The following ENDOD1 variants were observed in gnomAD, a reference collection of about 807,000 sequenced individuals.
The protein encoded by ENDOD1 is endonuclease domain-containing 1 protein.
In ENDOD1, 9 loss-of-function variants were observed where a neutral mutation model predicts 6.5. The observed-to-expected ratio is 1.39, with a 90% CI of 0.84 to 2.43. The LOEUF is 2.43. ENDOD1 is among the 30% of genes most tolerant of loss of function. ENDOD1 has a pLI of 0.00. For synonymous variants in ENDOD1, 255 were observed against 255.2 expected (o/e 1.00, Z 0.01); for missense variants, 648 against 635.5 (o/e 1.02, Z -0.21).
Position 95,116,131 on chromosome 11 carries a change from A to C in ENDOD1, c.301-12246A>C, listed in dbSNP as rs1478010738. ...GTCATTAAGTCCCAGGATTTTCTTC[A>C]CCGGGAGACTTTTTTATTATAGCTT... On this transcript the variant is annotated intron_variant, in intron 1 of 1. Transcript: ENST00000278505. Among the ~76,000 whole-genome samples, 8 of 151,990 alleles carry C rather than the reference A, an allele frequency of 5.3e-5. 1 individual carries two copies. The highest frequency in any genetic ancestry group is 5.2e-4 in the Admixed American group (8 of 15,266).
Position 95,129,087 on chromosome 11 carries a change from C to T in ENDOD1, c.1011C>T (p.Thr337=). ...FLGKLMGFIA[T]PFIKLFQLIY... ...GAAAACTCATGGGCTTCATTGCTAC[C>T]CCATTCATCAAGCTTTTTCAATTAA... Residue 337 remains threonine, a synonymous_variant, in exon 2 of 2, where the codon ACC becomes ACT. Transcript: ENST00000278505. The T allele has an allele frequency of 1.2e-6, 2 of 1,614,022 alleles. No homozygotes were observed. Among genetic ancestry groups the T allele is most frequent in the Admixed American group, 1.7e-5 (1 of 60,014 alleles).
rs758577329 is a variant in ENDOD1 at position 95,128,468 on chromosome 11, A to G, written c.392A>G (p.Asn131Ser). The G allele has an allele frequency of 7.4e-6, 12 of 1,614,118 alleles. No homozygotes were observed. In the African/African-American group the frequency reaches 1.5e-4, roughly 20 times the overall value. Residue 131 changes from asparagine (N) to serine (S), a missense_variant, in exon 2 of 2, where the codon AAT becomes AGT. Transcript: ENST00000278505. ...AGCCTGGGAAGCAAGCAAGCCTTGAATACAGATTACCTTGATTCTGATTAC... is the reference window on the plus strand; with the variant it reads ...AGCCTGGGAAGCAAGCAAGCCTTGAGTACAGATTACCTTGATTCTGATTAC... ...VNSLGSKQAL[N>S]TDYLDSDYQR...
intron 1 of ENDOD1, among the ~76,000 whole-genome samples, chr11:95,104,654 A>T (rs1286188930): frequency 6.6e-6 from 1 of 152,126 alleles, no homozygotes; most frequent in African/African-American, 2.4e-5. Flanking sequence ...ATCCAAGCTT[A>T]CTCAAGGGAA....
At chr11:95,101,071 CT>C (rs1300806652) in intron 1 of ENDOD1, among the ~76,000 whole-genome samples, 111 of 152,116 alleles carry the variant, frequency 7.3e-4, no homozygotes, top group African/African-American at 2.6e-3. Flanking sequence ...CCATTGAGTC[CT>C]GGTTGTCTAA....
intron 1 of ENDOD1, among the ~76,000 whole-genome samples, chr11:95,124,346 G>C (rs529408244): frequency 6.6e-6 from 1 of 152,196 alleles, no homozygotes; most frequent in South Asian, 2.1e-4. Context: ...CATTAAATTG[G>C]TAGTTCAAAA....
chr11:95,091,016 C>A (rs1555109846), intron 1 of ENDOD1, among the ~76,000 whole-genome samples: 1 of 152,184 alleles, frequency 6.6e-6, no homozygotes, highest in African/African-American at 2.4e-5. Context: ...TATTATCATA[C>A]CACTAGGAAA....
Position 95,129,646 on chromosome 11 carries a change from G to T in ENDOD1, c.*67G>T. 1 of 1,518,964 alleles carries T rather than the reference G, an allele frequency of 6.6e-7. No homozygotes were observed. Among genetic ancestry groups the T allele is most frequent in the Non-Finnish European group, 8.9e-7 (1 of 1,124,640 alleles). 94.1% of individuals were successfully genotyped at this position (1,518,964 alleles called of 1,614,324 possible). A position where few individuals can be genotyped will look rare whatever the true frequency, so the allele number is the denominator to read the frequency against. ...GCTGGAATAGTTTGTCTTTACAATG[G>T]GTTTCTGTTCACTGTCAGTTATCAT... On this transcript the variant is annotated 3_prime_UTR_variant, in exon 2 of 2. Coordinates refer to ENST00000278505, the MANE Select transcript of ENDOD1 (RefSeq NM_015036.3).
chr11:95,094,024 A>T lies in ENDOD1; in HGVS notation c.300+3797A>T, dbSNP rs536385091. ...CTTAATGGAAGAATTTTTAGATAAG[A>T]TGCCAATGATACCTTTCTAAAGTGC... On this transcript the variant is annotated intron_variant, in intron 1 of 1. Transcript: ENST00000278505. Among the ~76,000 whole-genome samples, 29 of 152,196 alleles carry T rather than the reference A, an allele frequency of 1.9e-4. No individual in the cohort carries two copies. In the South Asian group the frequency reaches 3.9e-3, roughly 21 times the overall value.
intron 1 of ENDOD1, among the ~76,000 whole-genome samples, chr11:95,113,007 C>A (rs1859165069): frequency 6.6e-6 from 1 of 150,644 alleles, no homozygotes; most frequent in African/African-American, 2.4e-5. Context: ...TGACCCTGGG[C>A]AAATTACTGA....
intron 1 of ENDOD1, among the ~76,000 whole-genome samples, chr11:95,095,690 C>G (rs566578190): frequency 6.6e-6 from 1 of 152,292 alleles, no homozygotes; most frequent in South Asian, 2.1e-4. Flanking sequence ...CATTCTAACT[C>G]ATCTCATCTC....
rs574373602 is a variant in ENDOD1 at position 95,130,693 on chromosome 11, T to C, written c.*1114T>C. 2.0e-5 allele frequency: 3 copies of C among 152,294 alleles called. No homozygotes were observed. The highest frequency in any genetic ancestry group is 4.4e-5 in the Non-Finnish European group (3 of 68,030). 9.4% of individuals were successfully genotyped at this position (152,294 alleles called of 1,614,324 possible). The stretch of plus-strand genomic sequence containing the variant: ...ATCTCTGAAAAAAATATATAAAATA[T>C]TTAAGAATAATTATATCTTAGGAAA... On this transcript the variant is annotated 3_prime_UTR_variant, in exon 2 of 2. Coordinates refer to ENST00000278505, the MANE Select transcript of ENDOD1 (RefSeq NM_015036.3).
intron 1 of ENDOD1, among the ~76,000 whole-genome samples, chr11:95,113,435 C>G (rs1555112155): frequency 6.6e-6 from 1 of 152,176 alleles, no homozygotes; most frequent in Non-Finnish European, 1.5e-5. Context: ...TTCTTCTGCT[C>G]TCTAACTCCA....
Position 95,130,611 on chromosome 11 carries a change from T to G in ENDOD1, c.*1032T>G, listed in dbSNP as rs1247338252. ...TCTGACTTATGTCCCTAAATGGTTGTTTTGATACAACTATATAGAAAAGAG... is the reference window on the plus strand; with the variant it reads ...TCTGACTTATGTCCCTAAATGGTTGGTTTGATACAACTATATAGAAAAGAG... On this transcript the variant is annotated 3_prime_UTR_variant, in exon 2 of 2. Transcript: ENST00000278505. 6.6e-6 allele frequency: 1 copy of G among 152,164 alleles called. No homozygotes were observed. The highest frequency in any genetic ancestry group is 2.4e-5 in the African/African-American group (1 of 41,456). The allele number at this position is 152,164 out of a possible 1,614,324, so 9.4% of individuals were successfully genotyped here.
chr11:95,112,647 T>A (rs1555112051), intron 1 of ENDOD1, among the ~76,000 whole-genome samples: 1 of 152,248 alleles, frequency 6.6e-6, no homozygotes, highest in East Asian at 1.9e-4. Flanking sequence ...TTTACTGACC[T>A]ATCTGTTTCA....
At chr11:95,123,875 T>C (rs1859286681) in intron 1 of ENDOD1, among the ~76,000 whole-genome samples, 1 of 152,150 alleles carries the variant, frequency 6.6e-6, no homozygotes, top group East Asian at 1.9e-4. Context: ...CAGAAGCTGG[T>C]CCCAATTCAT....
intron 1 of ENDOD1, among the ~76,000 whole-genome samples, chr11:95,109,151 G>C (rs1175729136): frequency 2.0e-5 from 3 of 152,174 alleles, no homozygotes; most frequent in African/African-American, 7.2e-5. Flanking sequence ...TTGTCCCCAC[G>C]GAGTTGGATA....
In ENDOD1 at chr11:95,128,362, G is replaced by A. The variant is rs1859331708; in HGVS notation, c.301-15G>A. ...TAAGCAGGGATGCATCTCACCACTT[G>A]TTTTCTTCTTGCAGATCGATGACCC... On this transcript the variant is annotated splice_polypyrimidine_tract_variant and intron_variant, in intron 1 of 1. Transcript: ENST00000278505. 1 of 1,604,358 alleles carries A rather than the reference G, an allele frequency of 6.2e-7. No individual in the cohort carries two copies. Among genetic ancestry groups the A allele is most frequent in the Non-Finnish European group, 8.5e-7 (1 of 1,175,088 alleles).
intron 1 of ENDOD1, among the ~76,000 whole-genome samples, chr11:95,118,008 A>T (rs1368632228): frequency 6.6e-6 from 1 of 152,202 alleles, no homozygotes; most frequent in African/African-American, 2.4e-5. Context: ...TGCTGTTTGC[A>T]TAAGCAAACA....
chr11:95,090,001 G>T lies in ENDOD1; in HGVS notation c.74G>T (p.Gly25Val), dbSNP rs1858910412. The change falls in exon 1 of 2, where the codon GGC becomes GTC. Residue 25 changes from glycine to valine, a missense_variant. Physicochemically the swap from Gly to Val is moderately radical, Grantham distance 109. Transcript: ENST00000278505. ...GGGCTGCTGGAAGGCCGGCTCGTGG[G>T]CGAGGAGGAAGCCGGCTTTGGCGAA... ...LAGLLEGRLVGEEEAGFGECD... is the reference protein window; with the variant it reads ...LAGLLEGRLVVEEEAGFGECD... The T allele has an allele frequency of 6.4e-7, 1 of 1,569,232 alleles. No homozygotes were observed. The highest frequency in any genetic ancestry group is 2.4e-5 in the East Asian group (1 of 40,932).
Sources: gnomAD v4.1 joint callset for allele counts (sites outside exome capture counted in the v4.1 genomes callset) on GRCh38, gnomAD v4.1.1 for gene constraint, MANE v1.5 for transcripts, NCBI Gene and HGNC (gene_info 2026-07-23, HGNC 2026-07-21) for gene names.